Variants in SOX5 observed in about 807,000 individuals in gnomAD.
SOX5 encodes SRY-box transcription factor 5, also known as transcription factor SOX-5.
SOX5 carries 9 observed loss-of-function variants against 92.0 expected under a neutral mutation model. That is an observed-to-expected ratio of 0.10 (90% CI 0.06 to 0.17). SOX5 has a LOEUF of 0.17. Among genes scored for constraint, SOX5 ranks in the 10% least tolerant of loss-of-function variants. The pLI is 1.00. For synonymous variants in SOX5, 344 were observed against 336.3 expected, an observed-to-expected ratio of 1.02 and a Z score of -0.25; for missense variants, 642 against 944.5, an observed-to-expected ratio of 0.68 and a Z score of 4.20.
chr12:24,111,666 A>G (rs1290718073), intron 4 of SOX5, among the ~76,000 whole-genome samples: 1 of 152,040 alleles, frequency 6.6e-6, no homozygotes, highest in East Asian at 1.9e-4. Context: ...TGAATCACTA[A>G]TATTTTATTT....
At chr12:23,820,000 C>A (rs1435143328) in intron 3 of SOX5, among the ~76,000 whole-genome samples, 1 of 152,148 alleles carries the variant, frequency 6.6e-6, no homozygotes, top group Admixed American at 6.5e-5. Context: ...CTTGAGGAAT[C>A]GCCACACTGT....
At chr12:23,695,940 CAAA>C (rs71059917) in intron 6 of SOX5, among the ~76,000 whole-genome samples, 2 of 11,924 alleles carry the variant, frequency 1.7e-4, no homozygotes, top group African/African-American at 2.7e-4. Context: ...GACTCTGTCT[CAAA>C]AAAAAAAAAA....
At chr12:23,589,422 T>C (rs957340660) in intron 9 of SOX5, among the ~76,000 whole-genome samples, 17 of 151,914 alleles carry the variant, frequency 1.1e-4, no homozygotes, top group Non-Finnish European at 1.6e-4. Flanking sequence ...ATGGAGGTAA[T>C]GCATAAAACA....
intron 6 of SOX5, 51 bp downstream of exon 6, chr12:23,734,633 C>T (rs2093518191): frequency 7.4e-7 from 1 of 1,349,254 alleles, no homozygotes. Flanking sequence ...GGATAAGAAA[C>T]AGAATATATA....
rs908089178 is a variant in SOX5 at position 23,935,876 on chromosome 12, A to G, written c.38+13688T>C. Among the ~76,000 whole-genome samples the G allele has an allele frequency of 2.6e-5, 4 of 151,234 alleles. No individual in the cohort carries two copies. The Admixed American group carries it at 2.6e-4, about 10-fold the overall frequency. ...ACAGATTATAAAGTTATGGTAGCAC[A>G]TTATTTTCTAGATCAATACTATAAT... On this transcript the variant is annotated intron_variant, in intron 1 of 14. Transcript: ENST00000451604.
At chr12:24,513,392 T>G (rs1158208384) in intron 1 of SOX5, among the ~76,000 whole-genome samples, 3 of 152,228 alleles carry the variant, frequency 2.0e-5, no homozygotes, top group African/African-American at 7.2e-5. Flanking sequence ...ACCTTCATAT[T>G]TAACTCAACA....
chr12:23,886,492 A>T (rs2097067461), intron 2 of SOX5, among the ~76,000 whole-genome samples: 1 of 152,142 alleles, frequency 6.6e-6, no homozygotes, highest in African/African-American at 2.4e-5. Flanking sequence ...TACAGATTTC[A>T]TTCTAGTTTC....
intron 3 of SOX5, among the ~76,000 whole-genome samples, chr12:23,818,131 T>C (rs2096032868): frequency 6.6e-6 from 1 of 152,230 alleles, no homozygotes; most frequent in Non-Finnish European, 1.5e-5. Flanking sequence ...GATCCTGATC[T>C]GTGTACAGTC....
intron 1 of SOX5, among the ~76,000 whole-genome samples, chr12:24,551,152 ACT>A (rs935040344): frequency 2.0e-5 from 3 of 151,696 alleles, no homozygotes; most frequent in Non-Finnish European, 2.9e-5. Flanking sequence ...AATGAGGGCA[ACT>A]CTCTTTTCAG....
chr12:23,991,058 C>T (rs1950507302), intron 4 of SOX5, among the ~76,000 whole-genome samples: 1 of 151,206 alleles, frequency 6.6e-6, no homozygotes, highest in Admixed American at 6.6e-5. Context: ...AAAAAATGTG[C>T]TATAGAAGTA....
intron 3 of SOX5, among the ~76,000 whole-genome samples, chr12:24,232,623 T>C (rs1963628595): frequency 6.6e-6 from 1 of 152,172 alleles, no homozygotes; most frequent in East Asian, 1.9e-4. Flanking sequence ...AAGAATGACT[T>C]GATATGAGTC....
intron 2 of SOX5, among the ~76,000 whole-genome samples, chr12:23,879,690 A>G (rs1349492602): frequency 6.6e-6 from 1 of 152,166 alleles, no homozygotes; most frequent in African/African-American, 2.4e-5. Flanking sequence ...AGTAGGAGAA[A>G]ACAACTTATC....
intron 4 of SOX5, among the ~76,000 whole-genome samples, chr12:24,180,689 A>T (rs1955395621): frequency 6.6e-6 from 1 of 152,248 alleles, no homozygotes; most frequent in Admixed American, 6.5e-5. Context: ...TTTAAGCTGC[A>T]TAGAAATTAA....
rs551919852 is a variant in SOX5, at chr12:23,607,029, T to C, written c.1018-2496A>G. ...CTATTCAGTTCGAGGATGGCTAACA[T>C]TAGGTTGCTCTTCTCTCCCCCAAAT... On this transcript the variant is annotated intron_variant, in intron 8 of 14. Transcript: ENST00000451604. Among the ~76,000 whole-genome samples, 3 of 152,280 alleles carry C rather than the reference T, an allele frequency of 2.0e-5. No individual in the cohort carries two copies. The East Asian group carries it at 5.8e-4, about 29-fold the overall frequency.
chr12:23,963,210 A>T (rs1947152751), intron 4 of SOX5, among the ~76,000 whole-genome samples: 1 of 152,224 alleles, frequency 6.6e-6, no homozygotes, highest in Non-Finnish European at 1.5e-5. Flanking sequence ...AAACATATTT[A>T]ATTCTTAACC....
At chr12:24,323,907 A>G (rs1000189959) in intron 2 of SOX5, among the ~76,000 whole-genome samples, 1 of 152,108 alleles carries the variant, frequency 6.6e-6, no homozygotes, top group African/African-American at 2.4e-5. Context: ...TAAGTTTCTA[A>G]ATTTCTTGGG....
chr12:24,404,920 T>A (rs913428790), intron 1 of SOX5, among the ~76,000 whole-genome samples: 1 of 152,028 alleles, frequency 6.6e-6, no homozygotes, highest in Non-Finnish European at 1.5e-5. Context: ...CTGGTGTCCT[T>A]ATAAAAAGGG....
At chr12:24,140,613 T>C (rs542280374) in intron 4 of SOX5, among the ~76,000 whole-genome samples, 1 of 152,176 alleles carries the variant, frequency 6.6e-6, no homozygotes, top group Non-Finnish European at 1.5e-5. Context: ...GGTTTGAGTG[T>C]TCTCTGTTTA....
chr12:24,174,511 TG>T (rs35514099), intron 4 of SOX5, among the ~76,000 whole-genome samples: 130,699 of 151,704 alleles, frequency 0.86, 56,347 homozygotes, highest in East Asian at 0.98. Context: ...ACAGAATGAG[TG>T]GGGGGGGGAA....
Sources: allele counts gnomAD v4.1 joint callset (sites outside exome capture counted in the v4.1 genomes callset), GRCh38; gene constraint gnomAD v4.1.1; transcripts MANE v1.5; gene names NCBI Gene and HGNC (gene_info 2026-07-23, HGNC 2026-07-21).